The following KYNU variants were observed in gnomAD, a reference collection of about 807,000 sequenced individuals.
The protein encoded by KYNU is L-kynurenine hydrolase.
KYNU carries 54 observed loss-of-function variants against 59.2 expected under a neutral mutation model. The ratio of observed to expected loss-of-function variants is 0.91; its 90% CI spans 0.73 to 1.14. The LOEUF (loss-of-function observed/expected upper bound fraction) is 1.14. Among genes scored for constraint, KYNU ranks in the 50% most tolerant of loss-of-function variants. The probability of loss-of-function intolerance (pLI) is 0.00; values close to 1 mark genes in which losing one functional copy is unlikely to be tolerated. For missense variants in KYNU, 567 were observed against 554.4 expected, an observed-to-expected ratio of 1.02 and a Z score of -0.23; for synonymous variants, 177 against 192.0, an observed-to-expected ratio of 0.92 and a Z score of 0.65.
At chr2:143,038,605 C>T (rs1178034944) in intron 12 of KYNU, among the ~76,000 whole-genome samples, 1 of 152,166 alleles carries the variant, frequency 6.6e-6, no homozygotes, top group East Asian at 1.9e-4. Context: ...CTGTAGACTT[C>T]AGACATTGTC....
intron 8 of KYNU, among the ~76,000 whole-genome samples, chr2:142,963,714 C>G (rs571238164): frequency 4.6e-5 from 7 of 152,156 alleles, no homozygotes; most frequent in Non-Finnish European, 7.3e-5. Context: ...TTATAATTCC[C>G]CTAACTTCTA....
intron 8 of KYNU, among the ~76,000 whole-genome samples, chr2:142,980,221 T>TG (rs201062151): frequency 1.4e-5 from 2 of 144,302 alleles, no homozygotes; most frequent in South Asian, 4.1e-4. Flanking sequence ...ATAATGCTAA[T>TG]AATTAGCTTA....
At chr2:142,945,567 C>CA (rs1383399363) in intron 4 of KYNU, among the ~76,000 whole-genome samples, 1 of 152,080 alleles carries the variant, frequency 6.6e-6, no homozygotes, top group Non-Finnish European at 1.5e-5. Context: ...TAAACTTCCC[C>CA]AGTTCCTGTT....
intron 3 of KYNU, among the ~76,000 whole-genome samples, chr2:142,925,056 T>C (rs1005506808): frequency 6.6e-6 from 1 of 152,152 alleles, no homozygotes; most frequent in Admixed American, 6.5e-5. Flanking sequence ...AAGGAGTAGG[T>C]GGCATAACAT....
chr2:142,982,431 C>G (rs1282548750), intron 8 of KYNU, among the ~76,000 whole-genome samples: 2 of 152,062 alleles, frequency 1.3e-5, no homozygotes, highest in Non-Finnish European at 2.9e-5. Context: ...TTAGAAACTT[C>G]CTACTTGGGT....
At chr2:143,025,020 A>G (rs768667850) in intron 10 of KYNU, among the ~76,000 whole-genome samples, 8 of 151,448 alleles carry the variant, frequency 5.3e-5, no homozygotes, top group Non-Finnish European at 1.0e-4. Context: ...AAGTTTTTCA[A>G]ATCTTTTTTC....
At chr2:142,970,716 G>A (rs1397364648) in intron 8 of KYNU, among the ~76,000 whole-genome samples, 2 of 152,156 alleles carry the variant, frequency 1.3e-5, no homozygotes, top group Non-Finnish European at 2.9e-5. Context: ...CCCACAGGAT[G>A]ACCATTGTTC....
Position 142,918,700 on chromosome 2 carries a change from T to C in KYNU, c.261T>C (p.Leu87=). The C allele has an allele frequency of 6.2e-7, 1 of 1,612,524 alleles. No individual in the cohort carries two copies. The highest frequency in any genetic ancestry group is 8.5e-7 in the Non-Finnish European group (1 of 1,179,134). Residue 87 remains leucine (L), a synonymous_variant, in exon 3 of 14, where the codon CTT becomes CTC. Transcript: ENST00000264170. ...AACCAAAAATGGTTAAAACATATCT[T>C]GAAGAAGAACTAGATAAGTGGGCCA... ...GLQPKMVKTY[L]EEELDKWAKI... is the part of the protein sequence containing the mutation.
At chr2:142,915,738 T>A (rs1682646440) in intron 2 of KYNU, among the ~76,000 whole-genome samples, 1 of 152,200 alleles carries the variant, frequency 6.6e-6, no homozygotes, top group African/African-American at 2.4e-5. Context: ...AAGCCCTGCT[T>A]GTTAAAAGCT....
At chr2:142,948,814 C>G (rs907053551) in intron 4 of KYNU, among the ~76,000 whole-genome samples, 2 of 152,184 alleles carry the variant, frequency 1.3e-5, no homozygotes, top group South Asian at 4.1e-4. Flanking sequence ...ACCAGTCATG[C>G]CTTTCCAACA....
intron 2 of KYNU, among the ~76,000 whole-genome samples, chr2:142,905,491 A>G (rs995777011): frequency 6.6e-6 from 1 of 152,204 alleles, no homozygotes; most frequent in African/African-American, 2.4e-5. Context: ...GGACCTTTGT[A>G]TGGTAATTAA....
At chr2:143,040,759 ATCAG>A (rs1381445767) in intron 13 of KYNU, 101 bp downstream of exon 13, 4 of 716,682 alleles carry the variant, frequency 5.6e-6, no homozygotes, top group African/African-American at 3.6e-5. Flanking sequence ...GTTATTTCAC[ATCAG>A]TCAGTCAATT....
At chr2:142,931,844 G>C (rs886474840) in intron 4 of KYNU, among the ~76,000 whole-genome samples, 2 of 152,174 alleles carry the variant, frequency 1.3e-5, no homozygotes, top group African/African-American at 4.8e-5. Flanking sequence ...TAATTTGGCT[G>C]ATGAAGGCCG....
intron 2 of KYNU, among the ~76,000 whole-genome samples, chr2:142,889,281 T>C (rs1490263280): frequency 6.6e-6 from 1 of 152,176 alleles, no homozygotes; most frequent in Non-Finnish European, 1.5e-5. Context: ...GAATGAAATA[T>C]GATCTAACCG....
intron 4 of KYNU, among the ~76,000 whole-genome samples, chr2:142,945,725 G>C (rs1481336007): frequency 6.7e-6 from 1 of 148,728 alleles, no homozygotes; most frequent in Non-Finnish European, 1.5e-5. Context: ...CTCACAAAAT[G>C]CTTTTTTTAA....
chr2:143,025,668 G>T (rs990675609), intron 10 of KYNU, among the ~76,000 whole-genome samples: 2 of 151,738 alleles, frequency 1.3e-5, no homozygotes, highest in Non-Finnish European at 2.9e-5. Flanking sequence ...ATATTCCATC[G>T]CTTGAGCTTT....
intron 2 of KYNU, among the ~76,000 whole-genome samples, chr2:142,910,572 G>A (rs1682449733): frequency 6.6e-6 from 1 of 152,078 alleles, no homozygotes; most frequent in Non-Finnish European, 1.5e-5. Context: ...AAGCTCTTTA[G>A]TTTAATTAGG....
intron 10 of KYNU, among the ~76,000 whole-genome samples, chr2:143,025,523 CCACTGCT>C (rs1686526343): frequency 6.6e-6 from 1 of 152,078 alleles, no homozygotes; most frequent in South Asian, 2.1e-4. Context: ...CATAATGTAA[CCACTGCT>C]CTGAAAATGG....
chr2:142,897,128 T>C (rs750834154), intron 2 of KYNU, among the ~76,000 whole-genome samples: 18 of 152,228 alleles, frequency 1.2e-4, no homozygotes, highest in Non-Finnish European at 2.1e-4. Flanking sequence ...TAGAAAACAT[T>C]TGTTAAGGTT....
Sources: allele counts gnomAD v4.1 joint callset (sites outside exome capture counted in the v4.1 genomes callset), GRCh38; gene constraint gnomAD v4.1.1; transcripts MANE v1.5; gene names NCBI Gene and HGNC (gene_info 2026-07-23, HGNC 2026-07-21).